MGAT4C: variants seen among roughly 807,000 people sequenced by gnomAD.
MGAT4C encodes the protein alpha-1,3-mannosyl-glycoprotein 4-beta-N-acetylglucosaminyltransferase C.
A neutral mutation model predicts 40.1 loss-of-function variants in MGAT4C; 19 were observed. That is an observed-to-expected ratio of 0.47 (90% confidence interval 0.33 to 0.70). The LOEUF (loss-of-function observed/expected upper bound fraction) is 0.70, where lower values mean the gene tolerates loss of function less well. MGAT4C is among the 30% of genes least tolerant of loss of function. The probability of loss-of-function intolerance (pLI) is 0.02; values close to 1 mark genes in which losing one functional copy is unlikely to be tolerated. For synonymous variants in MGAT4C, 181 were observed against 187.1 expected (o/e 0.97, Z 0.27); for missense variants, 491 against 563.2 (o/e 0.87, Z 1.30).
intron 3 of MGAT4C, among the ~76,000 whole-genome samples, chr12:86,347,193 C>A (rs2136188938): frequency 6.6e-6 from 1 of 152,274 alleles, no homozygotes; most frequent in Middle Eastern, 3.4e-3. Flanking sequence ...TTCATATATA[C>A]ATATATGCTA....
intron 2 of MGAT4C, among the ~76,000 whole-genome samples, chr12:86,584,848 G>A (rs1197676274): frequency 6.6e-6 from 1 of 151,324 alleles, no homozygotes; most frequent in Non-Finnish European, 1.5e-5. Context: ...ACGATGGCTT[G>A]TGAAGTGGAG....
intron 3 of MGAT4C, among the ~76,000 whole-genome samples, chr12:86,359,859 G>A (rs564443868): frequency 4.5e-4 from 68 of 152,178 alleles, no homozygotes; most frequent in Non-Finnish European, 3.4e-4. Context: ...ACCAAAAAAC[G>A]TCCAGGACCA....
chr12:86,418,446 T>C (rs963188822), intron 3 of MGAT4C, among the ~76,000 whole-genome samples: 1 of 151,882 alleles, frequency 6.6e-6, no homozygotes, highest in African/African-American at 2.4e-5. Context: ...CTACCAAAAA[T>C]ACAGGCATGG....
chr12:86,065,129 G>A (rs1437360400), intron 1 of MGAT4C, among the ~76,000 whole-genome samples: 2 of 152,096 alleles, frequency 1.3e-5, no homozygotes, highest in Non-Finnish European at 2.9e-5. Flanking sequence ...TTCTACCAGA[G>A]GTACAAAGAA....
Position 86,011,903 on chromosome 12 carries a change from C to T in MGAT4C, c.-6-22351G>A, listed in dbSNP as rs987969451. 6 of 974,348 alleles carry T rather than the reference C, an allele frequency of 6.2e-6. No individual in the cohort carries two copies. In the African/African-American group the frequency reaches 1.1e-4, roughly 17 times the overall value. 60.4% of individuals were successfully genotyped at this position (974,348 alleles called of 1,614,324 possible). ...AAACTTCCATGTCACATGCTACTGC[C>T]TGAAAATAGCAATCACACAAATGAA... On this transcript the variant is annotated intron_variant, in intron 2 of 4. Coordinates refer to ENST00000611864, the MANE Select transcript of MGAT4C (RefSeq NM_001351288.2).
intron 2 of MGAT4C, among the ~76,000 whole-genome samples, chr12:86,550,673 A>C (rs1959306510): frequency 6.6e-6 from 1 of 151,930 alleles, no homozygotes; most frequent in Admixed American, 6.6e-5. Flanking sequence ...GTGGTCCTGC[A>C]GAGCAGGGAA....
At chr12:86,104,394 A>C (rs1875747827) in intron 1 of MGAT4C, among the ~76,000 whole-genome samples, 1 of 152,138 alleles carries the variant, frequency 6.6e-6, no homozygotes, top group African/African-American at 2.4e-5. Flanking sequence ...GAGCCGAGAT[A>C]GTGCCATTGC....
intron 1 of MGAT4C, among the ~76,000 whole-genome samples, chr12:86,179,076 A>G (rs566119570): frequency 2.4e-4 from 37 of 152,198 alleles, no homozygotes; most frequent in African/African-American, 7.2e-4. Context: ...AAATTCCCAC[A>G]TGTTGTGGGA....
chr12:86,822,017 T>G (rs2136227454), intron 1 of MGAT4C, among the ~76,000 whole-genome samples: 1 of 151,050 alleles, frequency 6.6e-6, no homozygotes, highest in South Asian at 2.1e-4. Context: ...AAAGACACAA[T>G]ACGACTAGGT....
chr12:86,186,741 T>C (rs1195920417), intron 1 of MGAT4C, among the ~76,000 whole-genome samples: 1 of 152,092 alleles, frequency 6.6e-6, no homozygotes, highest in East Asian at 1.9e-4. Context: ...CAATCTGTAG[T>C]TTCAAGCTTA....
chr12:86,034,874 C>T (rs924717394), intron 2 of MGAT4C, among the ~76,000 whole-genome samples: 1 of 149,846 alleles, frequency 6.7e-6, no homozygotes, highest in African/African-American at 2.4e-5. Context: ...ATGATGGTTT[C>T]CAGCTTCATC....
Position 86,772,136 on chromosome 12 carries a change from A to G in MGAT4C, c.-261-44895T>C, listed in dbSNP as rs1025465816. On this transcript the variant is annotated intron_variant, in intron 1 of 7. Coordinates refer to the MGAT4C transcript ENST00000548651. ...GGCTGAATGACCATTTGCTAAAGAGATTGTATGTATGGCTCATGGGTCTAT... is the reference window on the plus strand; with the variant it reads ...GGCTGAATGACCATTTGCTAAAGAGGTTGTATGTATGGCTCATGGGTCTAT... Among the ~76,000 whole-genome samples the G allele has an allele frequency of 2.0e-5, 3 of 152,158 alleles. No individual in the cohort carries two copies. The East Asian group carries it at 5.8e-4, about 30-fold the overall frequency.
chr12:86,089,686 T>G (rs540808345), intron 1 of MGAT4C, among the ~76,000 whole-genome samples: 3 of 151,914 alleles, frequency 2.0e-5, no homozygotes, highest in African/African-American at 7.2e-5. Flanking sequence ...TAAATGACAT[T>G]ATATCAAATT....
In MGAT4C at chr12:86,052,474, G is replaced by C. The variant is rs547221396; in HGVS notation, c.-56-2751C>G. On this transcript the variant is annotated intron_variant, in intron 1 of 4. Coordinates refer to ENST00000611864, the MANE Select transcript of MGAT4C (RefSeq NM_001351288.2). ...AATTATTTCAATCATATAAATGTCAGGTATTGCTAAATTGTATGTTCTATT... is the reference window on the plus strand; with the variant it reads ...AATTATTTCAATCATATAAATGTCACGTATTGCTAAATTGTATGTTCTATT... 6.6e-5 allele frequency among the ~76,000 whole-genome samples: 10 copies of C among 151,924 alleles called. No homozygotes were observed. In the South Asian group the frequency reaches 2.1e-3, roughly 32 times the overall value.
intron 1 of MGAT4C, among the ~76,000 whole-genome samples, chr12:86,184,477 G>A (rs1034130328): frequency 2.7e-5 from 4 of 150,892 alleles, no homozygotes; most frequent in Non-Finnish European, 5.9e-5. Context: ...ATACTCCTTT[G>A]TCTTCTTTTC....
chr12:86,172,311 A>C (rs1212540020), intron 1 of MGAT4C, among the ~76,000 whole-genome samples: 1 of 152,184 alleles, frequency 6.6e-6, no homozygotes, highest in East Asian at 1.9e-4. Flanking sequence ...CTTCATCTAC[A>C]TAATTGGATA....
In MGAT4C at chr12:86,623,526, G is replaced by A. The variant is rs1962705323; in HGVS notation, c.-229+103683C>T. 2.6e-5 allele frequency among the ~76,000 whole-genome samples: 4 copies of A among 152,120 alleles called. 1 individual carries two copies. The highest frequency in any genetic ancestry group is 2.6e-4 in the Admixed American group (4 of 15,272). ...ACAATGCAAGTTGAAAAGACAATGG[G>A]CCAATATTTTAAAGAACTGACAGAA... On this transcript the variant is annotated intron_variant, in intron 2 of 7. Coordinates refer to the MGAT4C transcript ENST00000548651.
intron 2 of MGAT4C, among the ~76,000 whole-genome samples, chr12:86,533,879 C>T (rs1959026102): frequency 6.6e-6 from 1 of 151,722 alleles, no homozygotes. Context: ...CACAACTGAC[C>T]AGCATAAATG....
intron 1 of MGAT4C, among the ~76,000 whole-genome samples, chr12:86,819,898 CA>C (rs1952677180): frequency 2.0e-5 from 3 of 150,380 alleles, no homozygotes; most frequent in Non-Finnish European, 3.0e-5. Context: ...GAGTATTTAA[CA>C]AATAAGTAAA....
Sources: gnomAD v4.1 joint callset for allele counts (sites outside exome capture counted in the v4.1 genomes callset) on GRCh38, gnomAD v4.1.1 for gene constraint, MANE v1.5 for transcripts, NCBI Gene and HGNC (gene_info 2026-07-23, HGNC 2026-07-21) for gene names.